The following CHCHD6 variants were observed in gnomAD, a reference collection of about 807,000 sequenced individuals.
The protein encoded by CHCHD6 is coiled-coil-helix-coiled-coil-helix domain containing 6, also known as MICOS complex subunit MIC25.
In CHCHD6, 28 loss-of-function variants were observed where a neutral mutation model predicts 32.3. That is an observed-to-expected ratio of 0.87 (90% CI 0.64 to 1.19). The LOEUF (loss-of-function observed/expected upper bound fraction) is 1.19. Ranked by LOEUF, CHCHD6 falls within the 50% of genes most tolerant of loss-of-function variation. The pLI, the probability that CHCHD6 is intolerant of heterozygous loss-of-function variation, is 0.00. For missense variants in CHCHD6, 333 were observed against 307.0 expected, an observed-to-expected ratio of 1.08 and a Z score of -0.63; for synonymous variants, 122 against 117.5, an observed-to-expected ratio of 1.04 and a Z score of -0.25.
At chr3:126,726,246 G>C (rs905388120) in intron 1 of CHCHD6, among the ~76,000 whole-genome samples, 3 of 152,206 alleles carry the variant, frequency 2.0e-5, no homozygotes, top group Non-Finnish European at 4.4e-5. Flanking sequence ...GGATAGAAAG[G>C]CCCAAGGAGA....
At chr3:126,960,020 T>G (rs1016106997) in intron 7 of CHCHD6, among the ~76,000 whole-genome samples, 176 bp from the exon 8 acceptor site, 1 of 152,134 alleles carries the variant, frequency 6.6e-6, no homozygotes, top group African/African-American at 2.4e-5. Flanking sequence ...CTGGGGACTG[T>G]GCTGGGCTCC....
chr3:126,865,737 T>C, intron 5 of CHCHD6: 1 of 985,136 alleles, frequency 1.0e-6, no homozygotes, highest in Non-Finnish European at 1.2e-6. Flanking sequence ...ATACTGCTTC[T>C]GGTATGTTTG....
chr3:126,914,947 T>G (rs2078148261), intron 6 of CHCHD6, among the ~76,000 whole-genome samples, 197 bp downstream of exon 6: 1 of 152,242 alleles, frequency 6.6e-6, no homozygotes, highest in Non-Finnish European at 1.5e-5. Flanking sequence ...CACTCAGTTC[T>G]TATCTAGCTC....
chr3:126,798,303 T>A (rs1938893067), intron 4 of CHCHD6, among the ~76,000 whole-genome samples: 1 of 152,170 alleles, frequency 6.6e-6, no homozygotes, highest in Non-Finnish European at 1.5e-5. Context: ...TTGTATTCTT[T>A]GACCATCCAC....
At chr3:126,803,808 T>G (rs1939208207) in intron 4 of CHCHD6, among the ~76,000 whole-genome samples, 1 of 152,172 alleles carries the variant, frequency 6.6e-6, no homozygotes, top group Non-Finnish European at 1.5e-5. Flanking sequence ...ACCACATAGT[T>G]GGAAGTAAAG....
chr3:126,872,707 G>A (rs1472059482), intron 5 of CHCHD6, among the ~76,000 whole-genome samples: 1 of 152,192 alleles, frequency 6.6e-6, no homozygotes, highest in Non-Finnish European at 1.5e-5. Flanking sequence ...ACTGGTCTCA[G>A]CTCCTGCACC....
chr3:126,951,151 A>T (rs1236428776), intron 6 of CHCHD6, among the ~76,000 whole-genome samples: 1 of 152,150 alleles, frequency 6.6e-6, no homozygotes, highest in East Asian at 1.9e-4. Context: ...TGATGATTTT[A>T]TAAGGGGCTC....
At chr3:126,879,262 G>A (rs1312827206) in intron 5 of CHCHD6, among the ~76,000 whole-genome samples, 1 of 152,178 alleles carries the variant, frequency 6.6e-6, no homozygotes, top group Non-Finnish European at 1.5e-5. Context: ...GGGGCAGGGT[G>A]GGATGAGGCA....
chr3:126,842,964 AG>A (rs747885601), intron 4 of CHCHD6, among the ~76,000 whole-genome samples: 4 of 152,116 alleles, frequency 2.6e-5, no homozygotes, highest in Non-Finnish European at 5.9e-5. Flanking sequence ...TTTATTAATC[AG>A]ATACTCTAAA....
intron 1 of CHCHD6, among the ~76,000 whole-genome samples, chr3:126,716,890 G>A (rs1306095044): frequency 6.6e-6 from 1 of 152,118 alleles, no homozygotes; most frequent in Non-Finnish European, 1.5e-5. Flanking sequence ...GAGCCTGCTG[G>A]GAGTCAGTTG....
intron 6 of CHCHD6, among the ~76,000 whole-genome samples, chr3:126,920,010 A>G (rs1393134037): frequency 1.3e-5 from 2 of 151,910 alleles, no homozygotes; most frequent in African/African-American, 4.8e-5. Flanking sequence ...CTAAGGTTAT[A>G]TGTATTACTG....
intron 4 of CHCHD6, among the ~76,000 whole-genome samples, chr3:126,807,303 A>C (rs903818871): frequency 6.6e-6 from 1 of 152,208 alleles, no homozygotes; most frequent in African/African-American, 2.4e-5. Context: ...AGCAGAAGAA[A>C]AAGTTTTTTT....
intron 5 of CHCHD6, among the ~76,000 whole-genome samples, chr3:126,882,662 C>T (rs955542636): frequency 1.3e-5 from 2 of 152,314 alleles, no homozygotes; most frequent in African/African-American, 4.8e-5. Flanking sequence ...AGCAAAGTTA[C>T]CTCCACTTTA....
At chr3:126,708,321 C>T (rs1383468169) in intron 1 of CHCHD6, among the ~76,000 whole-genome samples, 1 of 152,184 alleles carries the variant, frequency 6.6e-6, no homozygotes, top group African/African-American at 2.4e-5. Context: ...ACCTCAGGGT[C>T]TCTGACTCCA....
Position 126,960,281 on chromosome 3 carries a change from C to T in CHCHD6, c.*80C>T. 6.6e-7 allele frequency: 1 copy of T among 1,520,942 alleles called. No homozygotes were observed. Among genetic ancestry groups the T allele is most frequent in the Non-Finnish European group, 8.9e-7 (1 of 1,121,452 alleles). The allele number at this position is 1,520,942 out of a possible 1,614,324, so 94.2% of individuals were successfully genotyped here. ...CAATCATGGGACCACAGCCACTGTG[C>T]CCTGCCGTTTCCTGCTGGGCCCCTG... On this transcript the variant is annotated 3_prime_UTR_variant, in exon 8 of 8. Coordinates refer to ENST00000290913, the MANE Select transcript of CHCHD6 (RefSeq NM_032343.3).
chr3:126,711,457 C>T (rs189922921), intron 1 of CHCHD6, among the ~76,000 whole-genome samples: 1 of 152,290 alleles, frequency 6.6e-6, no homozygotes, highest in Admixed American at 6.5e-5. Context: ...TTTTCCTGTT[C>T]TTTCTTTTGT....
At chr3:126,819,991 T>C (rs1940081803) in intron 4 of CHCHD6, among the ~76,000 whole-genome samples, 1 of 152,224 alleles carries the variant, frequency 6.6e-6, no homozygotes, top group Non-Finnish European at 1.5e-5. Flanking sequence ...AAGAACCAGC[T>C]TCAGAGGCAG....
At chr3:126,717,496 C>A (rs1018028039) in intron 1 of CHCHD6, among the ~76,000 whole-genome samples, 1 of 152,100 alleles carries the variant, frequency 6.6e-6, no homozygotes, top group Non-Finnish European at 1.5e-5. Flanking sequence ...GAAACCCATA[C>A]GGTGGCATGC....
intron 4 of CHCHD6, among the ~76,000 whole-genome samples, chr3:126,739,485 T>C (rs901984635): frequency 3.9e-5 from 6 of 152,228 alleles, no homozygotes; most frequent in African/African-American, 1.2e-4. Context: ...CCAGAGATTT[T>C]AACTTTTTAA....
Sources: allele counts gnomAD v4.1 joint callset (sites outside exome capture counted in the v4.1 genomes callset), GRCh38; gene constraint gnomAD v4.1.1; transcripts MANE v1.5; gene names NCBI Gene and HGNC (gene_info 2026-07-23, HGNC 2026-07-21).